The following NCR1 variants were observed in gnomAD, a reference collection of about 807,000 sequenced individuals.
The protein encoded by NCR1 is natural cytotoxicity triggering receptor 1.
In NCR1, 30 loss-of-function variants were observed where a neutral mutation model predicts 32.5. The ratio of observed to expected loss-of-function variants is 0.92; its 90% CI spans 0.69 to 1.25. The LOEUF is 1.25. Among genes scored for constraint, NCR1 ranks in the 50% most tolerant of loss-of-function variants. The pLI is 0.00. For missense variants in NCR1, 369 were observed against 380.7 expected (o/e 0.97, Z 0.26); for synonymous variants, 169 against 143.4 (o/e 1.18, Z -1.28).
chr19:54,916,702 ATTTTTT>A (rs35842513), downstream of NCR1, among the ~76,000 whole-genome samples: 3 of 50,480 alleles, frequency 5.9e-5, no homozygotes, highest in African/African-American at 1.7e-4. Flanking sequence ...CAACTGTTCT[ATTTTTT>A]TTTTTTTTTT....
At chr19:54,901,571 A>G (rs1484164210), upstream of NCR1, among the ~76,000 whole-genome samples, 1 of 152,024 alleles carries the variant, frequency 6.6e-6, no homozygotes, top group African/African-American at 2.4e-5. Flanking sequence ...TGGGAGGCCG[A>G]GGCAGGTGGG....
chr19:54,900,624 G>T, the NCR1 span, among the ~76,000 whole-genome samples: 17 of 152,064 alleles, frequency 1.1e-4, no homozygotes, highest in Non-Finnish European at 2.4e-4. Context: ...CTGGTGATCC[G>T]CACACCTCGG....
Position 54,912,944 on chromosome 19 carries a change from G to A in NCR1, c.*73G>A. ...GTTGAGCCTGGGCGGCGTGAGCTCT[G>A]TGTTGGACCCACGGAGGAGGGAGTC... is the stretch of plus-strand genomic sequence containing the variant. On this transcript the variant is annotated 3_prime_UTR_variant, in exon 7 of 7. Coordinates refer to ENST00000291890, the MANE Select transcript of NCR1 (RefSeq NM_004829.7). 2 of 1,454,568 alleles carry A rather than the reference G, an allele frequency of 1.4e-6. No individual in the cohort carries two copies. The highest frequency in any genetic ancestry group is 2.4e-5 in the East Asian group (1 of 42,446). The allele number at this position is 1,454,568 out of a possible 1,614,324, so 90.1% of individuals were successfully genotyped here.
chr19:54,928,408 A>G, the NCR1 span, among the ~76,000 whole-genome samples: 1 of 151,868 alleles, frequency 6.6e-6, no homozygotes, highest in Admixed American at 6.6e-5. Flanking sequence ...AAAACAAAAC[A>G]AAAAAACAAG....
chr19:54,927,242 A>G, the NCR1 span, among the ~76,000 whole-genome samples: 84,209 of 151,290 alleles, frequency 0.56, 23,639 homozygotes, highest in East Asian at 0.72. Flanking sequence ...TTAGCCAGGC[A>G]TGGTGGCAGG....
intron 5 of NCR1, among the ~76,000 whole-genome samples, chr19:54,911,130 A>T (rs2067951663): frequency 6.6e-6 from 1 of 151,852 alleles, no homozygotes; most frequent in African/African-American, 2.4e-5. Flanking sequence ...GTGGATCATG[A>T]GGTCAGGAGA....
At chr19:54,900,664 A>G in the NCR1 span, among the ~76,000 whole-genome samples, 1 of 152,026 alleles carries the variant, frequency 6.6e-6, no homozygotes, top group East Asian at 1.9e-4. Context: ...TACAGGCATG[A>G]CCCACTGCAC....
At chr19:54,936,477 C>G in the NCR1 span, 1 of 1,492,106 alleles carries the variant, frequency 6.7e-7, no homozygotes, top group Non-Finnish European at 9.4e-7. Flanking sequence ...TTAATACTCA[C>G]ATTGTGTGGA....
downstream of NCR1, among the ~76,000 whole-genome samples, chr19:54,913,439 C>T (rs1246424561): frequency 6.6e-6 from 1 of 152,220 alleles, no homozygotes; most frequent in Non-Finnish European, 1.5e-5. Context: ...ATACTTTTAA[C>T]CACTCTGGTC....
chr19:54,934,605 G>C, the NCR1 span: 1 of 1,614,026 alleles, frequency 6.2e-7, no homozygotes, highest in Non-Finnish European at 8.5e-7. The surrounding 1 kb of genome is among the most constrained non-coding windows in gnomAD (Gnocchi z 6.7). Context: ...GGTTGGCTTT[G>C]AGGACATAGA....
downstream of NCR1, among the ~76,000 whole-genome samples, chr19:54,920,968 ACT>A (rs1255578462): frequency 6.6e-6 from 1 of 151,980 alleles, no homozygotes; most frequent in African/African-American, 2.4e-5. Flanking sequence ...ACCAAGTGAG[ACT>A]CTGTCCGCCC....
At chr19:54,935,219 T>C in the NCR1 span, among the ~76,000 whole-genome samples, 1 of 59,666 alleles carries the variant, frequency 1.7e-5, no homozygotes, top group Non-Finnish European at 3.1e-5. Flanking sequence ...TGGATGATTT[T>C]GCAGGGGGGA....
the NCR1 span, among the ~76,000 whole-genome samples, chr19:54,931,545 A>G: frequency 1.3e-5 from 2 of 152,090 alleles, no homozygotes; most frequent in South Asian, 2.1e-4. Flanking sequence ...AAAATTAGCC[A>G]GGTGTGGTGG....
the NCR1 span, chr19:54,934,732 CAG>C: frequency 4.8e-6 from 6 of 1,244,916 alleles, no homozygotes; most frequent in African/African-American, 1.5e-5. The surrounding 1 kb of genome is among the most constrained non-coding windows in gnomAD (Gnocchi z 6.7). Context: ...TTTTTTGAGA[CAG>C]AGTTTCACTC....
At chr19:54,906,910 G>A (rs766959290) in intron 3 of NCR1, 103 bp downstream of exon 3, 63 of 1,379,446 alleles carry the variant, frequency 4.6e-5, no homozygotes, top group Non-Finnish European at 5.7e-5. Context: ...TGCTTGTCTC[G>A]GTAGGAGGCT....
chr19:54,932,210 T>C, the NCR1 span, among the ~76,000 whole-genome samples: 45,691 of 151,740 alleles, frequency 0.3, 7,190 homozygotes, highest in East Asian at 0.41. Context: ...GGCAGATCAC[T>C]TAAGGCCAGG....
chr19:54,906,557 C>G lies in NCR1; in HGVS notation c.105C>G (p.Pro35=), dbSNP rs1281656123. The G allele has an allele frequency of 1.2e-6, 2 of 1,611,960 alleles. No homozygotes were observed. The highest frequency in any genetic ancestry group is 1.7e-6 in the Non-Finnish European group (2 of 1,180,030). The part of the protein sequence containing the change: ...TLPKPFIWAE[P]HFMVPKEKQV... ...CAAAACCGTTCATCTGGGCCGAGCC[C>G]CATTTCATGGTTCCAAAGGAAAAGC... is the stretch of plus-strand genomic sequence containing the variant. The change falls in exon 3 of 7, where the codon CCC becomes CCG. Residue 35 remains proline (P), a synonymous_variant. Transcript: ENST00000291890.
intron 5 of NCR1, among the ~76,000 whole-genome samples, chr19:54,910,546 T>C (rs917785104): frequency 1.3e-5 from 2 of 151,958 alleles, no homozygotes; most frequent in Admixed American, 6.6e-5. Context: ...TCCACTCCAC[T>C]GCACGACACA....
chr19:54,924,434 G>A, the NCR1 span, among the ~76,000 whole-genome samples: 2 of 151,670 alleles, frequency 1.3e-5, no homozygotes, highest in Non-Finnish European at 2.9e-5. Context: ...GCCAGCCTGG[G>A]CAACACGGTG....
Sources: gnomAD v4.1 joint callset for allele counts (sites outside exome capture counted in the v4.1 genomes callset) on GRCh38, gnomAD v4.1.1 for gene constraint, Gnocchi (gnomAD v3.1) non-coding constraint, MANE v1.5 for transcripts, NCBI Gene and HGNC (gene_info 2026-07-23, HGNC 2026-07-21) for gene names.